Variants in AMN1 observed in about 807,000 individuals in gnomAD.
The protein encoded by AMN1 is antagonist of mitotic exit network 1 homolog.
Under a neutral mutation model 33.0 loss-of-function variants are expected in AMN1, and 20 were observed. The observed-to-expected ratio is 0.61, with a 90% CI of 0.43 to 0.88. AMN1 has a LOEUF of 0.88. Ranked by LOEUF, AMN1 falls within the 40% of genes least tolerant of loss-of-function variation. The pLI is 0.00. For synonymous variants in AMN1, 114 were observed against 111.9 expected (o/e 1.02, Z -0.12); for missense variants, 246 against 307.4 (o/e 0.80, Z 1.49).
chr12:31,680,042 G>C (rs112077186), intron 6 of AMN1, among the ~76,000 whole-genome samples: 17,922 of 149,620 alleles, frequency 0.12, 1,440 homozygotes, highest in East Asian at 0.27. Flanking sequence ...AGAATCGCTT[G>C]CACCCGGGAG....
chr12:31,728,943 G>A, intron 1 of AMN1, 28 bp downstream of exon 1: 2 of 1,539,604 alleles, frequency 1.3e-6, no homozygotes, highest in Non-Finnish European at 1.8e-6. Context: ...GGGGCGGCGC[G>A]AAGGGAGGCG....
At chr12:31,729,089 C>A (rs1034563920), upstream of AMN1, 1 of 1,407,872 alleles carries the variant, frequency 7.1e-7, no homozygotes, top group East Asian at 2.7e-5. Context: ...TCCCGCCCAC[C>A]GCGCGACGCG....
At chr12:31,692,472 A>G (rs954088867) in intron 5 of AMN1, among the ~76,000 whole-genome samples, 1 of 151,376 alleles carries the variant, frequency 6.6e-6, no homozygotes, top group African/African-American at 2.4e-5. Context: ...AACAAACGAA[A>G]AAAAACATAT....
chr12:31,709,466 TACTGATTCCTAAC>T, intron 1 of AMN1, 41 bp from the exon 2 acceptor site: 1 of 1,570,194 alleles, frequency 6.4e-7, no homozygotes, highest in African/African-American at 1.4e-5. Context: ...ACTGGGCCTG[TACTGATTCCTAAC>T]ACTTGTCTTA....
Position 31,721,000 on chromosome 12 carries a change from C to T in AMN1, c.38+7971G>A, listed in dbSNP as rs541753511. 7.2e-5 allele frequency among the ~76,000 whole-genome samples: 11 copies of T among 152,220 alleles called. No individual in the cohort carries two copies. In the South Asian group the frequency reaches 2.3e-3, roughly 32 times the overall value. On this transcript the variant is annotated intron_variant, in intron 1 of 6. Transcript: ENST00000281471. ...TCTATAATCCCAGCACTTTGGAAGCCAACGTGGGAATATCTCTTGAGTCCA... is the reference window on the plus strand; with the variant it reads ...TCTATAATCCCAGCACTTTGGAAGCTAACGTGGGAATATCTCTTGAGTCCA...
chr12:31,677,478 G>C (rs1448818089), intron 6 of AMN1, among the ~76,000 whole-genome samples: 2 of 152,206 alleles, frequency 1.3e-5, no homozygotes, highest in South Asian at 4.1e-4. Context: ...TTGTGGTTCA[G>C]ATGACTTAGG....
intron 1 of AMN1, among the ~76,000 whole-genome samples, chr12:31,720,174 T>C (rs1939829394): frequency 6.6e-6 from 1 of 152,238 alleles, no homozygotes; most frequent in Non-Finnish European, 1.5e-5. Context: ...ACATTTACAA[T>C]GTTGTGCAAC....
Position 31,676,567 on chromosome 12 carries a change from C to T in AMN1, c.704-4190G>A, listed in dbSNP as rs887022168. Among the ~76,000 whole-genome samples the T allele has an allele frequency of 2.9e-4, 44 of 151,280 alleles. 2 individuals carry two copies. The highest frequency in any genetic ancestry group is 9.8e-4 in the African/African-American group (40 of 40,938). ...TCGATCTCCTGACCTCGTGATCTGC[C>T]CGCCTTGGCCTCCCAAAGTGCTGCA... On this transcript the variant is annotated intron_variant, in intron 6 of 6. Coordinates refer to ENST00000281471, the MANE Select transcript of AMN1 (RefSeq NM_001113402.2).
chr12:31,699,842 G>A (rs1008000244), intron 3 of AMN1, among the ~76,000 whole-genome samples: 3 of 152,106 alleles, frequency 2.0e-5, no homozygotes, highest in African/African-American at 7.2e-5. Flanking sequence ...CTAACTCCAG[G>A]TAGATAGTGT....
intron 1 of AMN1, among the ~76,000 whole-genome samples, chr12:31,724,438 A>C (rs995226402): frequency 1.3e-5 from 2 of 152,176 alleles, no homozygotes; most frequent in African/African-American, 4.8e-5. Flanking sequence ...TCCTGGGCAG[A>C]CAGGGCAGGG....
At chr12:31,691,733 G>C (rs921240279) in intron 5 of AMN1, among the ~76,000 whole-genome samples, 1 of 151,738 alleles carries the variant, frequency 6.6e-6, no homozygotes, top group Non-Finnish European at 1.5e-5. Context: ...GTCTGAGCAG[G>C]GTCCACAGGA....
chr12:31,684,025 T>C (rs780597460), intron 6 of AMN1, among the ~76,000 whole-genome samples: 1 of 152,212 alleles, frequency 6.6e-6, no homozygotes, highest in Non-Finnish European at 1.5e-5. Context: ...TGTTAACAAC[T>C]GATTTTTGTT....
chr12:31,695,820 A>T (rs554489171), intron 5 of AMN1, among the ~76,000 whole-genome samples: 8 of 152,262 alleles, frequency 5.3e-5, no homozygotes, highest in African/African-American at 1.7e-4. Flanking sequence ...ATATTTAAAA[A>T]ATATATATGC....
At chr12:31,706,051 G>A (rs61591448) in intron 2 of AMN1, among the ~76,000 whole-genome samples, 3,196 of 152,056 alleles carry the variant, frequency 0.021, 130 homozygotes, top group African/African-American at 0.073. Context: ...GGTGGCTCAC[G>A]CCTGTAATCC....
rs371571559 is a variant in AMN1 at position 31,689,057 on chromosome 12, T to G, written c.653A>C (p.Tyr218Ser). Reference sequence around the variant, plus strand: ...GAGTAATATACGTATTTGAGGACAGTAAGTAAGGACAGCTTCGACAGCCCC... The same window carrying G: ...GAGTAATATACGTATTTGAGGACAGGAAGTAAGGACAGCTTCGACAGCCCC... ...TDGAVEAVLT[Y>S]CPQIRILLFH... The change falls in exon 6 of 7, where the codon TAC (tyrosine) becomes TCC (serine). Residue 218 changes from tyrosine to serine, a missense_variant. By Grantham distance (144) the Tyr-to-Ser change is moderately radical. Coordinates refer to ENST00000281471, the MANE Select transcript of AMN1 (RefSeq NM_001113402.2). 8.5e-5 allele frequency: 137 copies of G among 1,613,490 alleles called. No homozygotes were observed. Among genetic ancestry groups the G allele is most frequent in the Admixed American group, 1.3e-4 (8 of 59,958 alleles).
chr12:31,702,942 G>A (rs1230952668), intron 2 of AMN1, among the ~76,000 whole-genome samples: 1 of 152,166 alleles, frequency 6.6e-6, no homozygotes, highest in Non-Finnish European at 1.5e-5. Flanking sequence ...TCTCCATGTT[G>A]GTCAGGCTGG....
chr12:31,702,473 A>G (rs1939048667), intron 2 of AMN1, among the ~76,000 whole-genome samples: 1 of 152,150 alleles, frequency 6.6e-6, no homozygotes, highest in South Asian at 2.1e-4. Context: ...AGCTAATAAA[A>G]TACCCCAGTA....
chr12:31,719,827 C>A (rs777867660), intron 1 of AMN1, among the ~76,000 whole-genome samples: 9 of 152,220 alleles, frequency 5.9e-5, no homozygotes, highest in Non-Finnish European at 1.2e-4. Context: ...TTGTTTGTAA[C>A]AGAGAGAACT....
At chr12:31,689,759 T>A (rs571641474) in intron 5 of AMN1, among the ~76,000 whole-genome samples, 1 of 152,336 alleles carries the variant, frequency 6.6e-6, no homozygotes, top group Non-Finnish European at 1.5e-5. Flanking sequence ...TATTTTTAAA[T>A]TTTTTAAAAA....
Sources: gnomAD v4.1 joint callset for allele counts (sites outside exome capture counted in the v4.1 genomes callset) on GRCh38, gnomAD v4.1.1 for gene constraint, MANE v1.5 for transcripts, NCBI Gene and HGNC (gene_info 2026-07-23, HGNC 2026-07-21) for gene names.